Variants in RPS3A observed in about 807,000 individuals in gnomAD.
The protein encoded by RPS3A is ribosomal protein S3A, also known as small ribosomal subunit protein eS1.
Under a neutral mutation model 26.4 loss-of-function variants are expected in RPS3A, and 1 was observed. The observed-to-expected ratio is 0.04, with a 90% CI of 0.01 to 0.18. RPS3A has a LOEUF of 0.18. Ranked by LOEUF, RPS3A falls within the 10% of genes least tolerant of loss-of-function variation. The probability of loss-of-function intolerance (pLI) is 1.00; values close to 1 mark genes in which losing one functional copy is unlikely to be tolerated. For synonymous variants in RPS3A, 97 were observed against 106.1 expected, an observed-to-expected ratio of 0.91 and a Z score of 0.53; for missense variants, 139 against 326.8, an observed-to-expected ratio of 0.43 and a Z score of 4.43.
In RPS3A at chr4:151,104,190, A is replaced by C; in HGVS notation, c.577A>C (p.Ile193Leu). 2 of 1,610,784 alleles carry C rather than the reference A, an allele frequency of 1.2e-6. No individual in the cohort carries two copies. Among genetic ancestry groups the C allele is most frequent in the Non-Finnish European group, 1.7e-6 (2 of 1,179,306 alleles). Residue 193 changes from isoleucine (I) to leucine (L), a missense_variant, in exon 5 of 6, where the codon ATT (isoleucine) becomes CTT (leucine). Around this residue, in one of 3 missense-constraint regions of RPS3A, gnomAD observed 96 missense variants for 209.8 expected, o/e 0.46. Coordinates refer to ENST00000274065, the MANE Select transcript of RPS3A (RefSeq NM_001006.5). ...EVVNKLIPDS[I>L]GKDIEKACQS... ...ACTGGTTTGCAGGATTCCAGACAGCATTGGAAAAGACATAGAAAAGGCTTG... is the reference window on the plus strand; with the variant it reads ...ACTGGTTTGCAGGATTCCAGACAGCCTTGGAAAAGACATAGAAAAGGCTTG...
chr4:151,100,643 A>G, intron 2 of RPS3A, 55 bp downstream of exon 2: 1 of 1,039,160 alleles, frequency 9.6e-7, no homozygotes, highest in Non-Finnish European at 1.5e-6. Flanking sequence ...TGTATATTGT[A>G]GCAGGCATCT....
At position 151,103,296 on chromosome 4, in the gene RPS3A, C is replaced by T. The variant is rs1747213235; in HGVS notation, c.563+217C>T. On this transcript the variant is annotated intron_variant, in intron 4 of 5. Transcript: ENST00000274065. ...TCAGAGTCTTGCTCTGTTGCCCAGG[C>T]TCGAGTGCAGTATTGTGATCCTCCT... The T allele has an allele frequency of 9.6e-6, 9 of 935,362 alleles. No homozygotes were observed. The South Asian group carries it at 1.3e-4, about 13-fold the overall frequency. The allele number at this position is 935,362 out of a possible 1,614,324, so 57.9% of individuals were successfully genotyped here. A position where few individuals can be genotyped will look rare whatever the true frequency, so the allele number is the denominator to read the frequency against.
intron 4 of RPS3A, chr4:151,103,350 T>C: frequency 1.7e-6 from 1 of 585,988 alleles, no homozygotes; most frequent in Non-Finnish European, 2.4e-6. Flanking sequence ...GCTTCCTGGG[T>C]TCAAGCAGTT....
At chr4:151,099,943 T>G in intron 1 of RPS3A, 5 of 601,062 alleles carry the variant, frequency 8.3e-6, no homozygotes, top group East Asian at 3.5e-5. Flanking sequence ...TTGAGCCGGC[T>G]TGCCGGCGCG....
chr4:151,103,773 CAAAG>C (rs1056662418), intron 4 of RPS3A: 24 of 1,323,954 alleles, frequency 1.8e-5, no homozygotes, highest in Admixed American at 4.0e-5. Context: ...TATACACACA[CAAAG>C]AAAAAATACA....
rs987637109 is a variant in RPS3A at position 151,103,604 on chromosome 4, G to T, written c.563+525G>T. 5.7e-6 allele frequency: 6 copies of T among 1,049,556 alleles called. No homozygotes were observed. In the African/African-American group the frequency reaches 8.5e-5, roughly 15 times the overall value. 65.0% of individuals were successfully genotyped at this position (1,049,556 alleles called of 1,614,324 possible). On this transcript the variant is annotated intron_variant, in intron 4 of 5. Coordinates refer to ENST00000274065, the MANE Select transcript of RPS3A (RefSeq NM_001006.5). ...ACAGGAAATGTTTTTCCCCTACTTG[G>T]AAAATACACTGAATAAGTTGAGTGG...
chr4:151,099,778 T>C, intron 1 of RPS3A, 64 bp downstream of exon 1: 1 of 1,521,318 alleles, frequency 6.6e-7, no homozygotes, highest in Non-Finnish European at 9.0e-7. Flanking sequence ...GGGCTGGTCC[T>C]AGATCGCGGC....
intron 1 of RPS3A, among the ~76,000 whole-genome samples, chr4:151,100,153 A>AT (rs1279966996): frequency 1.3e-5 from 2 of 152,184 alleles, no homozygotes; most frequent in African/African-American, 4.8e-5. Context: ...TTACCAGTAC[A>AT]TGCCATTACG....
At position 151,104,079 on chromosome 4, in the gene RPS3A, G is replaced by A; in HGVS notation, c.564-98G>A. Reference sequence around the variant, plus strand: ...GCAGGTTAAATGAGGTAGGTGTTATGTGTAGGTTTATTCCAAGGCTTCTCT... The same window carrying A: ...GCAGGTTAAATGAGGTAGGTGTTATATGTAGGTTTATTCCAAGGCTTCTCT... On this transcript the variant is annotated intron_variant, in intron 4 of 5. Coordinates refer to ENST00000274065, the MANE Select transcript of RPS3A (RefSeq NM_001006.5). 3 of 1,515,630 alleles carry A rather than the reference G, an allele frequency of 2.0e-6. No individual in the cohort carries two copies. The South Asian group carries it at 4.0e-5, about 20-fold the overall frequency. The allele number at this position is 1,515,630 out of a possible 1,614,324, so 93.9% of individuals were successfully genotyped here.
chr4:151,104,120 G>A (rs199507300), intron 4 of RPS3A, 57 bp from the exon 5 acceptor site: 1 of 442,812 alleles, frequency 2.3e-6, no homozygotes, highest in Non-Finnish European at 3.4e-6. Flanking sequence ...TAAAGGAAAT[G>A]GCTTATATCT....
chr4:151,102,708 GT>G, intron 3 of RPS3A, 162 bp from the exon 4 acceptor site: 1 of 874,312 alleles, frequency 1.1e-6, no homozygotes. Flanking sequence ...AACTTGGTAA[GT>G]TCAAGGAAGT....
At chr4:151,103,938 A>G in intron 4 of RPS3A, 5 of 1,521,462 alleles carry the variant, frequency 3.3e-6, no homozygotes, top group Non-Finnish European at 4.4e-6. Context: ...GAAAAAGCAT[A>G]AGGCTTGGAC....
chr4:151,104,439 G>GTTGTT, intron 5 of RPS3A, 33 bp from the exon 6 acceptor site: 1 of 710,330 alleles, frequency 1.4e-6, no homozygotes, highest in South Asian at 2.3e-5. Flanking sequence ...CAGTTTTTTG[G>GTTGTT]TTTTTTTTTT....
Position 151,104,299 on chromosome 4 carries a change from T to C in RPS3A, c.673+13T>C, listed in dbSNP as rs1213958578. On this transcript the variant is annotated intron_variant, in intron 5 of 5. Transcript: ENST00000274065. The stretch of plus-strand genomic sequence containing the variant: ...CCCAAGTTTGAATGTAAGTGAGAAA[T>C]CACATGATTCCTGTAGGGCCAAATA... 3 of 1,612,358 alleles carry C rather than the reference T, an allele frequency of 1.9e-6. No individual in the cohort carries two copies. The highest frequency in any genetic ancestry group is 2.7e-5 in the African/African-American group (2 of 74,958).
chr4:151,103,642 C>G (rs1747228744), intron 4 of RPS3A: 4 of 1,072,916 alleles, frequency 3.7e-6, no homozygotes, highest in African/African-American at 1.7e-5. Flanking sequence ...TGGGATGTGC[C>G]TGGAGTCCCA....
rs1181291835 is a variant in RPS3A, at chr4:151,100,092, C to G, written c.62+378C>G. On this transcript the variant is annotated intron_variant, in intron 1 of 5. Transcript: ENST00000274065. ...CGTCAATCTCGCCTTTGCTTGGTCC[C>G]GCTGGAATCTGCGAGCTCCTGCTAA... The G allele has an allele frequency of 8.6e-5, 45 of 525,718 alleles. 1 individual carries two copies. Among genetic ancestry groups the G allele is most frequent in the Admixed American group, 8.4e-4 (36 of 42,710 alleles). The allele number at this position is 525,718 out of a possible 1,614,324, so 32.6% of individuals were successfully genotyped here. A position where few individuals can be genotyped will look rare whatever the true frequency, so the allele number is the denominator to read the frequency against.
Position 151,104,491 on chromosome 4 carries a change from T to C in RPS3A, c.693T>C (p.Leu231=). 1.5e-6 allele frequency: 2 copies of C among 1,361,174 alleles called. No individual in the cohort carries two copies. Among genetic ancestry groups the C allele is most frequent in the East Asian group, 2.6e-5 (1 of 38,398 alleles). The allele number at this position is 1,361,174 out of a possible 1,614,324, so 84.3% of individuals were successfully genotyped here. A position where few individuals can be genotyped will look rare whatever the true frequency, so the allele number is the denominator to read the frequency against. ...TTTTAGTGGGAAAGCTCATGGAGCTTCATGGTGAAGGCAGTAGTTCTGGAA... is the reference window on the plus strand; with the variant it reads ...TTTTAGTGGGAAAGCTCATGGAGCTCCATGGTGAAGGCAGTAGTTCTGGAA... ...PKFELGKLME[L]HGEGSSSGKA... is the part of the protein sequence containing the mutation. Residue 231 remains leucine (L), a synonymous_variant, in exon 6 of 6, where the codon CTT becomes CTC. Coordinates refer to ENST00000274065, the MANE Select transcript of RPS3A (RefSeq NM_001006.5).
At chr4:151,099,942 CT>C (rs1392151018) in intron 1 of RPS3A, 1 of 570,274 alleles carries the variant, frequency 1.8e-6, no homozygotes, top group East Asian at 3.8e-5. Context: ...TTTGAGCCGG[CT>C]TGCCGGCGCG....
At position 151,101,175 on chromosome 4, in the gene RPS3A, GTT is replaced by G; in HGVS notation, c.354+14_354+15del. ...CAAAAAATGGCAGGTGAGACCCAAAGTTCCTTAGAGTGGTTGTGCTATGGGTG... is the reference window on the plus strand; with the variant it reads ...CAAAAAATGGCAGGTGAGACCCAAAGCCTTAGAGTGGTTGTGCTATGGGTG... On this transcript the variant is annotated intron_variant, in intron 3 of 5. Transcript: ENST00000274065. 6.3e-7 allele frequency: 1 copy of G among 1,576,736 alleles called. No homozygotes were observed. Among genetic ancestry groups the G allele is most frequent in the Non-Finnish European group, 8.7e-7 (1 of 1,150,622 alleles).
Sources: gnomAD v4.1 joint callset for allele counts (sites outside exome capture counted in the v4.1 genomes callset) on GRCh38, gnomAD v4.1.1 for gene constraint, gnomAD v4.1.1 regional missense constraint, MANE v1.5 for transcripts, NCBI Gene and HGNC (gene_info 2026-07-23, HGNC 2026-07-21) for gene names.